Variants in OXSR1 observed in about 807,000 individuals in gnomAD.
OXSR1 encodes oxidative stress responsive kinase 1, also known as serine/threonine-protein kinase OSR1.
OXSR1 carries 24 observed loss-of-function variants against 79.8 expected under a neutral mutation model. That is an observed-to-expected ratio of 0.30 (90% CI 0.22 to 0.42). OXSR1 has a LOEUF of 0.42. Among genes scored for constraint, OXSR1 ranks in the 10% least tolerant of loss-of-function variants. OXSR1 has a pLI of 1.00. For missense variants in OXSR1, 430 were observed against 618.4 expected, an observed-to-expected ratio of 0.70 and a Z score of 3.23; for synonymous variants, 226 against 209.2, an observed-to-expected ratio of 1.08 and a Z score of -0.69.
At chr3:38,251,255 G>GA in intron 15 of OXSR1, 148 bp from the exon 16 acceptor site, 1 of 683,628 alleles carries the variant, frequency 1.5e-6, no homozygotes, top group East Asian at 2.5e-5. Context: ...TCTTTGTATG[G>GA]AAGGAAGGCC....
In OXSR1 at chr3:38,230,365, A is replaced by C; in HGVS notation, c.886A>C (p.Asn296His). ...CAAAATACTTACTTTTCCTCTCCAG[A>C]ATAAAGAATTTCTTCAAGAAAAAAC... ...LRHKFFQKAK[N>H]KEFLQEKTLQ... The change falls in exon 10 of 18, where the codon AAT becomes CAT. Residue 296 changes from asparagine to histidine, a missense_variant and splice_region_variant. Physicochemically the swap from Asn to His is moderately conservative, Grantham distance 68. Around this residue, in one of 3 missense-constraint regions of OXSR1, gnomAD observed 276 missense variants for 354.2 expected, o/e 0.78. Coordinates refer to ENST00000311806, the MANE Select transcript of OXSR1 (RefSeq NM_005109.3). 1 of 1,583,974 alleles carries C rather than the reference A, an allele frequency of 6.3e-7. No individual in the cohort carries two copies. The highest frequency in any genetic ancestry group is 2.2e-5 in the East Asian group (1 of 44,570).
At chr3:38,219,009 T>C (rs1444044372) in intron 5 of OXSR1, among the ~76,000 whole-genome samples, 2 of 152,194 alleles carry the variant, frequency 1.3e-5, no homozygotes, top group Non-Finnish European at 2.9e-5. Flanking sequence ...TTTTTTCACA[T>C]CTAAGTTACT....
intron 1 of OXSR1, among the ~76,000 whole-genome samples, chr3:38,166,450 C>T (rs1271727908): frequency 1.3e-5 from 2 of 152,032 alleles, no homozygotes; most frequent in Non-Finnish European, 2.9e-5. Context: ...ACGACTCCTT[C>T]CAACTGACTT....
At chr3:38,214,592 T>C (rs1005596789) in intron 4 of OXSR1, among the ~76,000 whole-genome samples, 4 of 152,206 alleles carry the variant, frequency 2.6e-5, no homozygotes. Context: ...GGAAAGAGAA[T>C]GTCCTCTATT....
chr3:38,179,667 A>G (rs1396911329), intron 1 of OXSR1, among the ~76,000 whole-genome samples: 3 of 152,092 alleles, frequency 2.0e-5, no homozygotes, highest in African/African-American at 7.2e-5. Context: ...TGCATACTCA[A>G]GTATACCCAA....
intron 4 of OXSR1, among the ~76,000 whole-genome samples, chr3:38,209,457 A>G (rs1291059467): frequency 6.6e-6 from 1 of 151,808 alleles, no homozygotes; most frequent in Admixed American, 6.6e-5. Flanking sequence ...TCCCCCAGGT[A>G]ATTCTAATGT....
intron 13 of OXSR1, among the ~76,000 whole-genome samples, chr3:38,247,251 A>G (rs1235218924): frequency 6.6e-6 from 1 of 152,124 alleles, no homozygotes; most frequent in Non-Finnish European, 1.5e-5. Flanking sequence ...ACTGGAACCT[A>G]TGTATGGGTT....
intron 8 of OXSR1, 107 bp downstream of exon 8, chr3:38,224,811 T>G (rs1017565402): frequency 6.4e-6 from 5 of 784,966 alleles, no homozygotes; most frequent in African/African-American, 1.8e-5. Context: ...GAACTAAATA[T>G]AAACTTTAAA....
chr3:38,221,651 C>A lies in OXSR1; in HGVS notation c.564C>A (p.Gly188=). The part of the protein sequence containing the change: ...TRNKVRKTFV[G]TPCWMAPEVM... ...ATAAAGTGAGAAAGACCTTTGTTGG[C>A]ACCCCTTGTTGGATGGCACCTGAAG... The change falls in exon 6 of 18, where the codon GGC becomes GGA. Residue 188 remains glycine (G), a synonymous_variant. Coordinates refer to ENST00000311806, the MANE Select transcript of OXSR1 (RefSeq NM_005109.3). The A allele has an allele frequency of 6.2e-7, 1 of 1,612,568 alleles. No individual in the cohort carries two copies. The highest frequency in any genetic ancestry group is 8.5e-7 in the Non-Finnish European group (1 of 1,178,760).
chr3:38,251,725 CA>C (rs1383563494), intron 16 of OXSR1, among the ~76,000 whole-genome samples: 1 of 152,130 alleles, frequency 6.6e-6, no homozygotes, highest in African/African-American at 2.4e-5. Flanking sequence ...GAAATTATGG[CA>C]AAAGTCACAA....
chr3:38,190,872 C>T (rs1559505975), intron 3 of OXSR1, 33 bp downstream of exon 3: 1 of 1,182,518 alleles, frequency 8.5e-7, no homozygotes, highest in Non-Finnish European at 1.3e-6. Flanking sequence ...CTATAAGTAC[C>T]ATGGTTTGAA....
chr3:38,224,547 A>G (rs750582168), intron 7 of OXSR1, 24 bp from the exon 8 acceptor site: 11 of 1,568,246 alleles, frequency 7.0e-6, no homozygotes, highest in Non-Finnish European at 5.2e-6. Context: ...TCACAAGTTT[A>G]TAGTATATTG....
At chr3:38,245,248 A>T (rs937408603) in intron 12 of OXSR1, among the ~76,000 whole-genome samples, 2 of 152,074 alleles carry the variant, frequency 1.3e-5, no homozygotes, top group African/African-American at 2.4e-5. Flanking sequence ...TGGCTATTGC[A>T]TCGTTTTTTC....
chr3:38,183,459 G>A (rs1322972425), intron 2 of OXSR1, among the ~76,000 whole-genome samples: 3 of 152,128 alleles, frequency 2.0e-5, no homozygotes, highest in Non-Finnish European at 4.4e-5. Context: ...ATCATTTACA[G>A]TGTGTTTATA....
intron 16 of OXSR1, 103 bp from the exon 17 acceptor site, chr3:38,252,225 G>A: frequency 3.7e-6 from 3 of 807,742 alleles, no homozygotes; most frequent in Non-Finnish European, 6.6e-6. Context: ...CATTTTGATT[G>A]TACGGAGCAT....
At chr3:38,198,931 C>A in intron 4 of OXSR1, 68 bp downstream of exon 4, 1 of 1,352,892 alleles carries the variant, frequency 7.4e-7, no homozygotes, top group South Asian at 1.3e-5. Flanking sequence ...TTTACAGAAT[C>A]GTGATCTCTG....
intron 2 of OXSR1, among the ~76,000 whole-genome samples, chr3:38,186,349 A>G (rs1420091849): frequency 1.3e-5 from 2 of 152,218 alleles, no homozygotes; most frequent in African/African-American, 4.8e-5. Flanking sequence ...TTCATGTATC[A>G]TAAATCTACC....
chr3:38,200,249 G>C (rs547033681), intron 4 of OXSR1, among the ~76,000 whole-genome samples: 1 of 151,966 alleles, frequency 6.6e-6, no homozygotes, highest in South Asian at 2.1e-4. Context: ...TTTAGGCAGA[G>C]AGAGAGAGAG....
At chr3:38,192,655 A>G (rs544398431) in intron 3 of OXSR1, among the ~76,000 whole-genome samples, 3 of 152,350 alleles carry the variant, frequency 2.0e-5, no homozygotes, top group East Asian at 1.9e-4. Context: ...TAAAATATAA[A>G]TATTGCTGAT....
Sources: gnomAD v4.1 joint callset for allele counts (sites outside exome capture counted in the v4.1 genomes callset) on GRCh38, gnomAD v4.1.1 for gene constraint, gnomAD v4.1.1 regional missense constraint, MANE v1.5 for transcripts, NCBI Gene and HGNC (gene_info 2026-07-23, HGNC 2026-07-21) for gene names.